Variants in GPRIN2 observed in about 807,000 individuals in gnomAD.
GPRIN2 encodes the protein G protein regulated inducer of neurite outgrowth 2.
GPRIN2 carries 1 observed loss-of-function variant against 0.3 expected under a neutral mutation model. The observed-to-expected ratio is 3.90, with a 90% CI of 1.39 to 18.51. The LOEUF (loss-of-function observed/expected upper bound fraction) is 18.51. Among genes scored for constraint, GPRIN2 ranks in the 30% most tolerant of loss-of-function variants. The pLI is 0.11. For missense variants in GPRIN2, 880 were observed against 604.2 expected, an observed-to-expected ratio of 1.46 and a Z score of -4.79; for synonymous variants, 361 against 258.6, an observed-to-expected ratio of 1.40 and a Z score of -3.80.
intron 2 of GPRIN2, among the ~76,000 whole-genome samples, chr10:46,551,871 T>A (rs1317473584): frequency 1.2e-4 from 18 of 152,298 alleles, no homozygotes; most frequent in African/African-American, 4.3e-4. Flanking sequence ...TGGAACAGTT[T>A]GGCCAACTGT....
rs1301257988 is a variant in GPRIN2, at chr10:46,542,592, C to A, written c.*6768G>T. ...GGCTTCCTGTAAGTTTCCTGAGGCTCCCCGGGCCACGTGGAACTGTGAGTC... is the reference window on the plus strand; with the variant it reads ...GGCTTCCTGTAAGTTTCCTGAGGCTACCCGGGCCACGTGGAACTGTGAGTC... On this transcript the variant is annotated 3_prime_UTR_variant, in exon 3 of 3. Coordinates refer to ENST00000374314, the MANE Select transcript of GPRIN2 (RefSeq NM_001385282.1). Among the ~76,000 whole-genome samples, 1 of 152,304 alleles carries A rather than the reference C, an allele frequency of 6.6e-6. No individual in the cohort carries two copies.
intron 2 of GPRIN2, 151 bp from the exon 3 acceptor site, chr10:46,550,893 AG>A: frequency 1.7e-6 from 1 of 589,336 alleles, no homozygotes; most frequent in Admixed American, 5.7e-5. Flanking sequence ...CAAGGCAGTG[AG>A]TGACAAGACA....
Position 46,550,131 on chromosome 10 carries a change from C to A in GPRIN2, c.606G>T (p.Gly202=), listed in dbSNP as rs1832472722. The A allele has an allele frequency of 3.7e-6, 6 of 1,607,350 alleles. No individual in the cohort carries two copies. The East Asian group carries it at 1.3e-4, about 36-fold the overall frequency. The change falls in exon 3 of 3, where the codon GGG becomes GGT. Residue 202 remains glycine (G), a synonymous_variant. Coordinates refer to ENST00000374314, the MANE Select transcript of GPRIN2 (RefSeq NM_001385282.1). ...SQLSVPPLDL[G]DTTAHSSSAQ... ...CACTGCTGCTGTGGGCAGTTGTGTC[C>A]CCCAGGTCTAGTGGTGGCACTGACA...
At chr10:46,550,911 A>G (rs1842524774) in intron 2 of GPRIN2, among the ~76,000 whole-genome samples, 169 bp from the exon 3 acceptor site, 1 of 152,312 alleles carries the variant, frequency 6.6e-6, no homozygotes, top group African/African-American at 2.4e-5. Context: ...GACACCAGAC[A>G]CTTCAAATCA....
rs1190707776 is a variant in GPRIN2 at position 46,548,716 on chromosome 10, A to G, written c.*644T>C. 2.0e-5 allele frequency among the ~76,000 whole-genome samples: 3 copies of G among 152,424 alleles called. No homozygotes were observed. The highest frequency in any genetic ancestry group is 3.9e-4 in the East Asian group (2 of 5,192). ...CCTCATACATGACTGCACTGACTGGACCGGGCACATGCTACAGGGCAACAC... is the reference window on the plus strand; with the variant it reads ...CCTCATACATGACTGCACTGACTGGGCCGGGCACATGCTACAGGGCAACAC... On this transcript the variant is annotated 3_prime_UTR_variant, in exon 3 of 3. Coordinates refer to ENST00000374314, the MANE Select transcript of GPRIN2 (RefSeq NM_001385282.1).
In GPRIN2 at chr10:46,549,235, C is replaced by T. The variant is rs1832759447; in HGVS notation, c.*125G>A. The stretch of plus-strand genomic sequence containing the variant: ...TGCAGTCCTGTGGTCTGGAGGCAGC[C>T]AATATTCAGGTGAGAGATGTGCCCA... On this transcript the variant is annotated 3_prime_UTR_variant, in exon 3 of 3. Transcript: ENST00000374314. The T allele has an allele frequency of 1.6e-5, 20 of 1,272,854 alleles. No homozygotes were observed. Among genetic ancestry groups the T allele is most frequent in the East Asian group, 5.5e-5 (2 of 36,344 alleles). The allele number at this position is 1,272,854 out of a possible 1,614,324, so 78.8% of individuals were successfully genotyped here.
chr10:46,550,130 C>T lies in GPRIN2; in HGVS notation c.607G>A (p.Asp203Asn), dbSNP rs1832473570. The T allele has an allele frequency of 8.7e-6, 14 of 1,607,176 alleles. No individual in the cohort carries two copies. The highest frequency in any genetic ancestry group is 1.7e-5 in the Admixed American group (1 of 59,814). ...QLSVPPLDLGDTTAHSSSAQA... is the reference protein window; with the variant it reads ...QLSVPPLDLGNTTAHSSSAQA... ...GCACTGCTGCTGTGGGCAGTTGTGT[C>T]CCCCAGGTCTAGTGGTGGCACTGAC... is the stretch of plus-strand genomic sequence containing the variant. The change falls in exon 3 of 3, where the codon GAC (aspartate) becomes AAC (asparagine). Residue 203 changes from aspartate to asparagine, a missense_variant. Physicochemically the swap from Asp to Asn is conservative, Grantham distance 23. Transcript: ENST00000374314.
rs1167710646 is a variant in GPRIN2 at position 46,546,884 on chromosome 10, T to C, written c.*2476A>G. 6.6e-6 allele frequency among the ~76,000 whole-genome samples: 1 copy of C among 152,308 alleles called. No individual in the cohort carries two copies. The highest frequency in any genetic ancestry group is 1.5e-5 in the Non-Finnish European group (1 of 68,058). ...TTCAGCACCGCTCTGCAAATACTCA[T>C]CTCAGTGACGATGAGGTGAGTGGGA... On this transcript the variant is annotated 3_prime_UTR_variant, in exon 3 of 3. Transcript: ENST00000374314.
chr10:46,549,568 G>A lies in GPRIN2; in HGVS notation c.1169C>T (p.Thr390Ile), dbSNP rs1832676122. Reference sequence around the variant, plus strand: ...CACCGCAGCTCCGTACACCTCCCATGTCATGCCCTCAGCATCCCATCGCAC... The same window carrying A: ...CACCGCAGCTCCGTACACCTCCCATATCATGCCCTCAGCATCCCATCGCAC... ...RDVRWDAEGM[T>I]WEVYGAAVDL... The change falls in exon 3 of 3, where the codon ACA becomes ATA. Residue 390 changes from threonine (T) to isoleucine (I), a missense_variant. Physicochemically the swap from Thr to Ile is moderately conservative, Grantham distance 89. Transcript: ENST00000374314. 1.2e-6 allele frequency: 2 copies of A among 1,614,138 alleles called. No individual in the cohort carries two copies. The highest frequency in any genetic ancestry group is 1.7e-6 in the Non-Finnish European group (2 of 1,179,942).
intron 2 of GPRIN2, among the ~76,000 whole-genome samples, chr10:46,553,039 C>T (rs1327819598): frequency 2.6e-5 from 4 of 152,310 alleles, no homozygotes; most frequent in African/African-American, 4.8e-5. Flanking sequence ...CGTGCCACAT[C>T]CTTTGCATAC....
intron 2 of GPRIN2, among the ~76,000 whole-genome samples, chr10:46,552,462 A>G (rs1418894729): frequency 1.3e-5 from 2 of 152,306 alleles, no homozygotes; most frequent in African/African-American, 2.4e-5. Flanking sequence ...GAGCAAGGCT[A>G]CCCGAGAGGA....
At chr10:46,551,463 T>A (rs1489616569) in intron 2 of GPRIN2, 7 of 985,406 alleles carry the variant, frequency 7.1e-6, no homozygotes, top group Non-Finnish European at 7.2e-6. Flanking sequence ...GCTTTTTCCA[T>A]GAGGGACTCA....
intron 2 of GPRIN2, among the ~76,000 whole-genome samples, chr10:46,552,205 G>A (rs1588971605): frequency 6.6e-6 from 1 of 152,312 alleles, no homozygotes; most frequent in Non-Finnish European, 1.5e-5. Flanking sequence ...AGAGCGGAGT[G>A]GGCAGGAGGA....
chr10:46,550,895 T>C (rs1289081105), intron 2 of GPRIN2, among the ~76,000 whole-genome samples, 153 bp from the exon 3 acceptor site: 10 of 151,552 alleles, frequency 6.6e-5, no homozygotes, highest in African/African-American at 2.4e-4. Flanking sequence ...AGGCAGTGAG[T>C]GACAAGACAC....
rs1832270854 is a variant in GPRIN2, at chr10:46,550,703, C to A, written c.34G>T (p.Ala12Ser). 2.3e-5 allele frequency: 35 copies of A among 1,509,638 alleles called. No individual in the cohort carries two copies. The highest frequency in any genetic ancestry group is 3.5e-6 in the Non-Finnish European group (4 of 1,131,480). 93.5% of individuals were successfully genotyped at this position (1,509,638 alleles called of 1,614,324 possible). A position where few individuals can be genotyped will look rare whatever the true frequency, so the allele number is the denominator to read the frequency against. The change falls in exon 3 of 3, where the codon GCA (alanine) becomes TCA (serine). Residue 12 changes from alanine to serine, a missense_variant. Ala to Ser is a moderately conservative substitution (Grantham distance 99). Transcript: ENST00000374314. The part of the protein sequence containing the change: ...SSSRPEPGPW[A>S]PLSPRLQPLS... ...GGCTGAAGGCGGGGGCTCAGGGGTG[C>A]CCAGGGACCCGGCTCGGGGCGGCTG...
upstream of GPRIN2, among the ~76,000 whole-genome samples, chr10:46,557,260 C>A (rs1831746338): frequency 0.84 from 128,240 of 152,046 alleles, 52,218 homozygotes; most frequent in East Asian, 0.95. Flanking sequence ...CTGGACCCAC[C>A]GTCCCATCCT....
chr10:46,551,315 C>A (rs1842579042), intron 2 of GPRIN2: 4 of 843,328 alleles, frequency 4.7e-6, no homozygotes, highest in Non-Finnish European at 5.7e-6. Context: ...GAGCAATGAC[C>A]AGAGGACACT....
intron 2 of GPRIN2, among the ~76,000 whole-genome samples, chr10:46,552,592 C>T (rs1588972429): frequency 6.6e-6 from 1 of 152,306 alleles, no homozygotes; most frequent in African/African-American, 2.4e-5. Context: ...GTGCTGTAGT[C>T]CCTGAGACTC....
rs1208641226 is a variant in GPRIN2, at chr10:46,542,358, C to T, written c.*7002G>A. On this transcript the variant is annotated 3_prime_UTR_variant, in exon 3 of 3. Transcript: ENST00000374314. ...CATCTTGAATTGTAATCCCTATAAT[C>T]CCCATGTGACAAGGGAGAGATCAGG... Among the ~76,000 whole-genome samples, 1 of 152,310 alleles carries T rather than the reference C, an allele frequency of 6.6e-6. No individual in the cohort carries two copies. The highest frequency in any genetic ancestry group is 1.5e-5 in the Non-Finnish European group (1 of 68,056).
Sources: allele counts gnomAD v4.1 joint callset (sites outside exome capture counted in the v4.1 genomes callset), GRCh38; gene constraint gnomAD v4.1.1; transcripts MANE v1.5; gene names NCBI Gene and HGNC (gene_info 2026-07-23, HGNC 2026-07-21).